Variants in STPG2 observed in about 807,000 individuals in gnomAD.
STPG2 encodes the protein sperm tail PG-rich repeat containing 2.
In STPG2, 56 loss-of-function variants were observed where a neutral mutation model predicts 54.2. The ratio of observed to expected loss-of-function variants is 1.03; its 90% CI spans 0.83 to 1.29. STPG2 has a LOEUF of 1.29. Among genes scored for constraint, STPG2 ranks in the 50% most tolerant of loss-of-function variants. The probability of loss-of-function intolerance (pLI) is 0.00; values close to 1 mark genes in which losing one functional copy is unlikely to be tolerated. For missense variants in STPG2, 596 were observed against 544.9 expected, an observed-to-expected ratio of 1.09 and a Z score of -0.93; for synonymous variants, 200 against 181.8, an observed-to-expected ratio of 1.10 and a Z score of -0.81.
intron 5 of STPG2, among the ~76,000 whole-genome samples, chr4:98,077,223 G>GTTTTTTT (rs758785570): frequency 8.5e-6 from 1 of 117,192 alleles, no homozygotes; most frequent in African/African-American, 3.6e-5. Context: ...GTCCTCAATA[G>GTTTTTTT]TTTTGTTGTT....
At chr4:97,639,381 T>C (rs1171494313) in intron 10 of STPG2, among the ~76,000 whole-genome samples, 1 of 151,818 alleles carries the variant, frequency 6.6e-6, no homozygotes, top group Admixed American at 6.6e-5. Flanking sequence ...CATTGGGAGA[T>C]ATACCTAATG....
chr4:97,585,054 T>C (rs1438889157), intron 10 of STPG2, among the ~76,000 whole-genome samples: 2 of 36,288 alleles, frequency 5.5e-5, no homozygotes, highest in Admixed American at 8.7e-4. Context: ...GGAAAGGACA[T>C]AAAAGTCCCC....
chr4:98,140,925 T>A (rs940054162), intron 1 of STPG2, among the ~76,000 whole-genome samples: 1 of 152,182 alleles, frequency 6.6e-6, no homozygotes, highest in African/African-American at 2.4e-5. Context: ...CTCTTAAGAT[T>A]TCCTTCTGGG....
At position 97,504,160 on chromosome 4, in the gene STPG2, A is replaced by G. The variant is rs1293070641; in HGVS notation, c.462+208539T>C. On this transcript the variant is annotated intron_variant, in intron 4 of 4. Transcript: ENST00000522676. ...TATTTAATATTTAATAAATAAATAAATATTTATTTAAATATTTTATTTTAT... is the reference window on the plus strand; with the variant it reads ...TATTTAATATTTAATAAATAAATAAGTATTTATTTAAATATTTTATTTTAT... Among the ~76,000 whole-genome samples the G allele has an allele frequency of 2.1e-5, 3 of 145,814 alleles. No homozygotes were observed. In the Admixed American group the frequency reaches 2.1e-4, roughly 10 times the overall value.
chr4:97,985,877 T>TA (rs1734811421), intron 5 of STPG2, among the ~76,000 whole-genome samples: 1 of 152,122 alleles, frequency 6.6e-6, no homozygotes. Flanking sequence ...ATCATATTTT[T>TA]AAAAAATCAA....
At chr4:98,089,770 A>G (rs934215565) in intron 5 of STPG2, among the ~76,000 whole-genome samples, 37 of 149,592 alleles carry the variant, frequency 2.5e-4, no homozygotes, top group African/African-American at 9.2e-4. Context: ...GTGGTATCTC[A>G]TTGTGATTTT....
chr4:97,784,143 A>C (rs1726748482), intron 9 of STPG2, among the ~76,000 whole-genome samples: 1 of 151,772 alleles, frequency 6.6e-6, no homozygotes, highest in South Asian at 2.1e-4. Context: ...CACTCAGCCT[A>C]GGCAACAACA....
chr4:97,663,130 T>C (rs1722423553), intron 10 of STPG2, among the ~76,000 whole-genome samples: 1 of 152,040 alleles, frequency 6.6e-6, no homozygotes, highest in Non-Finnish European at 1.5e-5. Context: ...ATCATAATTG[T>C]ATCTATATCA....
chr4:97,896,722 A>T (rs1039729425), intron 8 of STPG2, among the ~76,000 whole-genome samples: 1 of 151,802 alleles, frequency 6.6e-6, no homozygotes, highest in Admixed American at 6.6e-5. Context: ...ATTTTGTAAA[A>T]ATTAAATGTT....
At chr4:97,892,113 A>G (rs1730794338) in intron 8 of STPG2, among the ~76,000 whole-genome samples, 2 of 152,136 alleles carry the variant, frequency 1.3e-5, no homozygotes, top group African/African-American at 4.8e-5. Flanking sequence ...CCCTATTATA[A>G]TCTTTGTGCA....
At chr4:97,617,793 G>C (rs1301673623) in intron 10 of STPG2, among the ~76,000 whole-genome samples, 2 of 152,152 alleles carry the variant, frequency 1.3e-5, no homozygotes, top group African/African-American at 2.4e-5. Context: ...ATATAGTCCA[G>C]ATAGTGTTAA....
chr4:97,761,468 GT>G (rs1394893900), intron 9 of STPG2, among the ~76,000 whole-genome samples: 1 of 152,138 alleles, frequency 6.6e-6, no homozygotes, highest in Non-Finnish European at 1.5e-5. Context: ...TCTCCTATAG[GT>G]TTCGGAGTGA....
chr4:97,741,590 G>A (rs1725236767), intron 9 of STPG2, among the ~76,000 whole-genome samples: 1 of 152,196 alleles, frequency 6.6e-6, no homozygotes, highest in South Asian at 2.1e-4. Flanking sequence ...AGACATGTAT[G>A]CAGCCAAGAA....
intron 10 of STPG2, among the ~76,000 whole-genome samples, chr4:97,637,131 A>C (rs996846228): frequency 6.6e-6 from 1 of 152,288 alleles, no homozygotes; most frequent in Non-Finnish European, 1.5e-5. Flanking sequence ...GCACATCAAA[A>C]AGCTTATCCA....
chr4:97,937,584 C>T (rs894411855), intron 8 of STPG2, among the ~76,000 whole-genome samples: 21 of 152,070 alleles, frequency 1.4e-4, no homozygotes, highest in Non-Finnish European at 2.8e-4. Context: ...TTTGTTGATG[C>T]TGTTATTGTT....
chr4:97,891,302 T>G (rs1396128552), intron 8 of STPG2, among the ~76,000 whole-genome samples: 1 of 152,026 alleles, frequency 6.6e-6, no homozygotes, highest in East Asian at 1.9e-4. Context: ...TTGACTTTTA[T>G]AAAAGAAAAA....
At chr4:97,730,188 C>G (rs1724753676) in intron 9 of STPG2, among the ~76,000 whole-genome samples, 1 of 152,138 alleles carries the variant, frequency 6.6e-6, no homozygotes, top group Non-Finnish European at 1.5e-5. Flanking sequence ...CCAGTGTCTA[C>G]TGACCCATCT....
At chr4:97,960,652 A>T (rs1172789755) in intron 7 of STPG2, among the ~76,000 whole-genome samples, 1 of 152,112 alleles carries the variant, frequency 6.6e-6, no homozygotes, top group Admixed American at 6.6e-5. Context: ...GAGGTGAAAG[A>T]CCTCTACAAG....
At chr4:97,945,580 G>A (rs1006196147) in intron 7 of STPG2, among the ~76,000 whole-genome samples, 12 of 152,008 alleles carry the variant, frequency 7.9e-5, no homozygotes, top group South Asian at 2.1e-4. Flanking sequence ...ATACCCAGTA[G>A]TGGGATTACT....
Sources: gnomAD v4.1 joint callset for allele counts (sites outside exome capture counted in the v4.1 genomes callset) on GRCh38, gnomAD v4.1.1 for gene constraint, MANE v1.5 for transcripts, NCBI Gene and HGNC (gene_info 2026-07-23, HGNC 2026-07-21) for gene names.